The following LRRC7 variants were observed in gnomAD, a reference collection of about 807,000 sequenced individuals.
LRRC7 encodes the protein leucine-rich repeat-containing protein 7.
In LRRC7, 23 loss-of-function variants were observed where a neutral mutation model predicts 175.7. The observed-to-expected ratio is 0.13, with a 90% CI of 0.09 to 0.19. The LOEUF (loss-of-function observed/expected upper bound fraction) is 0.19. LRRC7 is among the 10% of genes least tolerant of loss of function. LRRC7 has a pLI of 1.00. For synonymous variants in LRRC7, 685 were observed against 680.9 expected (o/e 1.01, Z -0.09); for missense variants, 1,354 against 1,904.7 (o/e 0.71, Z 5.38).
intron 1 of LRRC7, among the ~76,000 whole-genome samples, chr1:69,581,532 A>G (rs1646200488): frequency 1.3e-5 from 2 of 152,196 alleles, no homozygotes; most frequent in Admixed American, 1.3e-4. Context: ...GAATCTGGAG[A>G]GGGAACTAAT....
intron 25 of LRRC7, among the ~76,000 whole-genome samples, chr1:70,104,007 GT>G (rs1664978793): frequency 6.6e-6 from 1 of 152,124 alleles, no homozygotes; most frequent in Non-Finnish European, 1.5e-5. Flanking sequence ...TCTGCCAAAT[GT>G]TATAAGAAAC....
chr1:69,879,444 A>AC (rs1462540240), intron 7 of LRRC7: 2 of 151,998 alleles, frequency 1.3e-5, no homozygotes, highest in Non-Finnish European at 2.9e-5. Context: ...TACTGAAAGG[A>AC]CCCTCTCTCG....
chr1:69,800,105 G>T (rs1378790264), intron 4 of LRRC7, among the ~76,000 whole-genome samples: 3 of 151,828 alleles, frequency 2.0e-5, no homozygotes, highest in Non-Finnish European at 4.4e-5. Flanking sequence ...TATCTGCATT[G>T]ATTTTTATAC....
At chr1:69,798,527 C>T (rs944773516) in intron 4 of LRRC7, among the ~76,000 whole-genome samples, 1 of 151,978 alleles carries the variant, frequency 6.6e-6, no homozygotes. Flanking sequence ...TATTTATGCA[C>T]CTTTAATTTT....
At chr1:69,818,865 G>C (rs1165405007) in intron 4 of LRRC7, among the ~76,000 whole-genome samples, 1 of 151,964 alleles carries the variant, frequency 6.6e-6, no homozygotes, top group African/African-American at 2.4e-5. Context: ...AGATTATTCA[G>C]TTGTTTGTTG....
At chr1:69,747,186 T>A (rs531959274) in intron 2 of LRRC7, among the ~76,000 whole-genome samples, 1 of 152,280 alleles carries the variant, frequency 6.6e-6, no homozygotes, top group Non-Finnish European at 1.5e-5. Flanking sequence ...AAAAAATGAA[T>A]GTTGGGAGGA....
At chr1:69,755,077 G>A (rs1251819589) in intron 2 of LRRC7, among the ~76,000 whole-genome samples, 1 of 151,940 alleles carries the variant, frequency 6.6e-6, no homozygotes, top group Non-Finnish European at 1.5e-5. Flanking sequence ...GTTGATGTCA[G>A]GGACGCCAAA....
chr1:69,573,994 C>T (rs1264452), intron 1 of LRRC7, among the ~76,000 whole-genome samples: 151,862 of 152,260 alleles, frequency 1, 75,732 homozygotes, highest in Non-Finnish European at 1. Context: ...TTGCTGTACA[C>T]GAAGTTCAGT....
At chr1:69,658,775 A>G (rs192530833) in intron 1 of LRRC7, among the ~76,000 whole-genome samples, 51 of 152,232 alleles carry the variant, frequency 3.4e-4, no homozygotes, top group African/African-American at 1.0e-3. Context: ...TTTAAATACT[A>G]GAACCTTCTA....
At chr1:69,963,995 A>G (rs1651401286) in intron 8 of LRRC7, among the ~76,000 whole-genome samples, 1 of 152,198 alleles carries the variant, frequency 6.6e-6, no homozygotes, top group South Asian at 2.1e-4. Flanking sequence ...CTATGCTACC[A>G]TCATTCTAAG....
intron 1 of LRRC7, among the ~76,000 whole-genome samples, chr1:69,640,657 C>A: frequency 6.7e-6 from 1 of 148,342 alleles, no homozygotes; most frequent in Non-Finnish European, 1.5e-5. Flanking sequence ...TTAATTCTAA[C>A]TTTGGTAAAT....
intron 8 of LRRC7, among the ~76,000 whole-genome samples, chr1:69,965,832 A>G (rs1651611763): frequency 6.6e-6 from 1 of 152,172 alleles, no homozygotes; most frequent in African/African-American, 2.4e-5. Context: ...TCAAAAGGTG[A>G]ACAATATTAG....
At position 69,946,633 on chromosome 1, in the gene LRRC7, C is replaced by A. The variant is rs137863164; in HGVS notation, c.711+15063C>A. Reference sequence around the variant, plus strand: ...TGTTATAGCTTCTTGGTGAATGAACCCCTTTATCATTATATAATGTTCTTT... The same window carrying A: ...TGTTATAGCTTCTTGGTGAATGAACACCTTTATCATTATATAATGTTCTTT... On this transcript the variant is annotated intron_variant, in intron 8 of 26. Coordinates refer to ENST00000651989, the MANE Select transcript of LRRC7 (RefSeq NM_001370785.2). Among the ~76,000 whole-genome samples, 309 of 144,936 alleles carry A rather than the reference C, an allele frequency of 2.1e-3. 7 individuals are homozygous for A. The East Asian group carries it at 0.054, about 25-fold the overall frequency.
At chr1:70,009,201 A>T (rs571707654) in intron 11 of LRRC7, among the ~76,000 whole-genome samples, 36 of 152,226 alleles carry the variant, frequency 2.4e-4, no homozygotes, top group Non-Finnish European at 4.0e-4. Flanking sequence ...TGTAATTTTT[A>T]TTTTAAAAAA....
chr1:70,036,156 T>C lies in LRRC7; in HGVS notation c.2031T>C (p.Ile677=). Residue 677 remains isoleucine (I), a synonymous_variant, in exon 19 of 27, where the codon ATT becomes ATC. Transcript: ENST00000651989. The part of the protein sequence containing the change: ...SFVHPANEMR[I]GELHPSLAET... ...TTCATCCAGCTAATGAAATGAGGAT[T>C]GGGGAACTTCACCCTTCATTAGCTG... The C allele has an allele frequency of 6.2e-7, 1 of 1,613,378 alleles. No individual in the cohort carries two copies. Among genetic ancestry groups the C allele is most frequent in the Non-Finnish European group, 8.5e-7 (1 of 1,179,554 alleles).
chr1:69,727,898 GCT>G (rs1378849654), intron 2 of LRRC7, among the ~76,000 whole-genome samples: 1 of 152,160 alleles, frequency 6.6e-6, no homozygotes, highest in African/African-American at 2.4e-5. Context: ...ATTTATGGAA[GCT>G]CTGAGTGTGA....
Position 69,653,487 on chromosome 1 carries a change from C to G in LRRC7, c.3-24894C>G, listed in dbSNP as rs1193854330. Among the ~76,000 whole-genome samples, 4 of 148,932 alleles carry G rather than the reference C, an allele frequency of 2.7e-5. No homozygotes were observed. In the East Asian group the frequency reaches 7.9e-4, roughly 29 times the overall value. ...TTTTAAGTGTTAGCAAGTATGCGTG[C>G]TAATAAAAAAAAAGAAAACTGTTAG... On this transcript the variant is annotated intron_variant, in intron 1 of 26. Transcript: ENST00000651989.
chr1:69,763,991 A>C (rs1671327367), intron 3 of LRRC7, among the ~76,000 whole-genome samples: 1 of 152,054 alleles, frequency 6.6e-6, no homozygotes, highest in South Asian at 2.1e-4. Flanking sequence ...ATGTAATACA[A>C]TGGGTAGAGA....
At chr1:69,779,223 C>T (rs1469211278) in intron 3 of LRRC7, among the ~76,000 whole-genome samples, 1 of 152,016 alleles carries the variant, frequency 6.6e-6, no homozygotes, top group East Asian at 1.9e-4. Context: ...AAAAGGAACC[C>T]CCTTCAAAGG....
Sources: allele counts gnomAD v4.1 joint callset (sites outside exome capture counted in the v4.1 genomes callset), GRCh38; gene constraint gnomAD v4.1.1; transcripts MANE v1.5; gene names NCBI Gene and HGNC (gene_info 2026-07-23, HGNC 2026-07-21).